CD163L1: variants seen among roughly 807,000 people sequenced by gnomAD.
CD163L1 encodes the protein CD163 molecule like 1.
A neutral mutation model predicts 165.4 loss-of-function variants in CD163L1; 124 were observed. The ratio of observed to expected loss-of-function variants is 0.75; its 90% CI spans 0.65 to 0.87. The LOEUF (loss-of-function observed/expected upper bound fraction) is 0.87, where lower values mean the gene tolerates loss of function less well. CD163L1 is among the 40% of genes least tolerant of loss of function. CD163L1 has a pLI of 0.00. For missense variants in CD163L1, 1,525 were observed against 1,799.9 expected (o/e 0.85, Z 2.76); for synonymous variants, 585 against 662.2 (o/e 0.88, Z 1.79).
chr12:7,343,159 T>C (rs762701604), downstream of CD163L1, among the ~76,000 whole-genome samples: 5 of 152,264 alleles, frequency 3.3e-5, no homozygotes, highest in African/African-American at 1.2e-4. Context: ...GAGAGAAATA[T>C]CTGAACTGGA....
chr12:7,379,104 T>G lies in CD163L1; in HGVS notation c.2245A>C (p.Thr749Pro), dbSNP rs1947331502. ...VSREPHFTER[T>P]LHILMSNSGC... ...GAATTCGACATTAAGATGTGTAATG[T>G]TCTTTCTGTGAAATGAGGCTCTCTG... The change falls in exon 9 of 20, where the codon ACA becomes CCA. Residue 749 changes from threonine (T) to proline (P), a missense_variant. By Grantham distance (38) the Thr-to-Pro change is conservative. Transcript: ENST00000313599. The G allele has an allele frequency of 6.2e-7, 1 of 1,614,096 alleles. No individual in the cohort carries two copies. Among genetic ancestry groups the G allele is most frequent in the Admixed American group, 1.7e-5 (1 of 59,998 alleles).
In CD163L1 at chr12:7,398,426, A is replaced by C. The variant is rs6488268; in HGVS notation, c.1567T>G (p.Leu523Val). ...VCKQLGCGKP[L>V]HVFGMTYFKE... Reference sequence around the variant, plus strand: ...AAATAGGTCATACCAAACACATGCAAAGGCTTTCCACATCCCAATTGTTTA... The same window carrying C: ...AAATAGGTCATACCAAACACATGCACAGGCTTTCCACATCCCAATTGTTTA... The change falls in exon 7 of 20, where the codon TTG becomes GTG. Residue 523 changes from leucine (L) to valine (V), a missense_variant. Physicochemically the swap from Leu to Val is conservative, Grantham distance 32 (BLOSUM62 1). Transcript: ENST00000313599. This position sits in a 1 kb window ranked among gnomAD's most constrained non-coding sequence, Gnocchi z 4.5. The C allele has an allele frequency of 1.2e-6, 2 of 1,614,174 alleles. No homozygotes were observed. Among genetic ancestry groups the C allele is most frequent in the East Asian group, 2.2e-5 (1 of 44,860 alleles).
intron 8 of CD163L1, among the ~76,000 whole-genome samples, chr12:7,382,155 T>C (rs757600838): frequency 6.6e-6 from 1 of 151,792 alleles, no homozygotes; most frequent in Admixed American, 6.6e-5. Context: ...TAGTTTACAA[T>C]ACAGATACAA....
chr12:7,332,015 A>C, the CD163L1 span, among the ~76,000 whole-genome samples: 2 of 152,234 alleles, frequency 1.3e-5, no homozygotes, highest in Non-Finnish European at 2.9e-5. Context: ...AACCAATGGC[A>C]AAGAAGTTAA....
At chr12:7,421,084 T>C (rs912282073) in intron 4 of CD163L1, among the ~76,000 whole-genome samples, 3 of 117,772 alleles carry the variant, frequency 2.5e-5, no homozygotes, top group Admixed American at 9.4e-5. Context: ...CGTATATATA[T>C]ACGTATATAT....
chr12:7,437,228 A>AT (rs377468948), intron 2 of CD163L1, among the ~76,000 whole-genome samples: 61 of 2,106 alleles, frequency 0.029, no homozygotes, highest in Non-Finnish European at 0.031. Flanking sequence ...TAGTATTTAA[A>AT]AGTATTTACT....
rs1947251481 is a variant in CD163L1 at position 7,375,613 on chromosome 12, C to T, written c.2687-18G>A. The T allele has an allele frequency of 1.9e-6, 3 of 1,611,252 alleles. No homozygotes were observed. In the African/African-American group the frequency reaches 4.0e-5, roughly 22 times the overall value. Reference sequence around the variant, plus strand: ...TGTATATCCTAGGAGGAGACAAGGCCATAGAAGAGACATCATGACTTATCA... The same window carrying T: ...TGTATATCCTAGGAGGAGACAAGGCTATAGAAGAGACATCATGACTTATCA... On this transcript the variant is annotated intron_variant, in intron 10 of 19. Transcript: ENST00000313599.
chr12:7,372,682 C>T lies in CD163L1; in HGVS notation c.3730+638G>A, dbSNP rs1420511091. ...ATATAGTATCTATATTTCATATACA[C>T]ATTTCATATACACAATCATAACTTT... On this transcript the variant is annotated intron_variant, in intron 14 of 19. Transcript: ENST00000313599. This position sits in a 1 kb window ranked among gnomAD's most constrained non-coding sequence, Gnocchi z 4.2. 6.6e-6 allele frequency among the ~76,000 whole-genome samples: 1 copy of T among 151,616 alleles called. No homozygotes were observed. Among genetic ancestry groups the T allele is most frequent in the Non-Finnish European group, 1.5e-5 (1 of 67,822 alleles).
chr12:7,374,710 C>T lies in CD163L1; in HGVS notation c.3141G>A (p.Gly1047=), dbSNP rs1448486832. Residue 1047 remains glycine (G), a synonymous_variant, in exon 13 of 20, where the codon GGG becomes GGA. Coordinates refer to ENST00000313599, the MANE Select transcript of CD163L1 (RefSeq NM_174941.6). This position sits in a 1 kb window ranked among gnomAD's most constrained non-coding sequence, Gnocchi z 5.4. ...AGCCGTCGTGATAGATCTCTACTCT[C>T]CCGGCACAGCGGCTGTCCCCATCCA... The part of the protein sequence containing the change: ...RLVDGDSRCA[G]RVEIYHDGFW... 1 of 1,614,174 alleles carries T rather than the reference C, an allele frequency of 6.2e-7. No homozygotes were observed. Among genetic ancestry groups the T allele is most frequent in the Non-Finnish European group, 8.5e-7 (1 of 1,180,004 alleles).
At position 7,427,631 on chromosome 12, in the gene CD163L1, G is replaced by A. The variant is rs577487039; in HGVS notation, c.766+4785C>T. Among the ~76,000 whole-genome samples the A allele has an allele frequency of 1.2e-3, 189 of 152,056 alleles. 1 individual carries two copies. Among genetic ancestry groups the A allele is most frequent in the Non-Finnish European group, 2.0e-3 (135 of 67,946 alleles). ...TCATCAGGTTGTGTATATTAAATAC[G>A]TACAGCTTTTTACATGTCCAACAAA... On this transcript the variant is annotated intron_variant, in intron 4 of 19. Coordinates refer to ENST00000313599, the MANE Select transcript of CD163L1 (RefSeq NM_174941.6).
chr12:7,329,753 A>G, the CD163L1 span, among the ~76,000 whole-genome samples: 11 of 152,170 alleles, frequency 7.2e-5, no homozygotes. Context: ...TAGTTGATAA[A>G]CCTGAAAACA....
At chr12:7,328,425 T>C in the CD163L1 span, 3 of 1,344,118 alleles carry the variant, frequency 2.2e-6, no homozygotes, top group Non-Finnish European at 1.0e-6. Context: ...TTTCTTTTAG[T>C]ATTTGTTCCG....
In CD163L1 at chr12:7,347,726, G is replaced by A. The variant is rs78486477; in HGVS notation, c.*25-579C>T. On this transcript the variant is annotated intron_variant, in intron 4 of 4. Coordinates refer to the CD163L1 transcript ENST00000539726. This position sits in a 1 kb window ranked among gnomAD's most constrained non-coding sequence, Gnocchi z 4.2. The stretch of plus-strand genomic sequence containing the variant: ...GGAGCTTGCAGTGAACCAAGTTCAC[G>A]CGCCACTGCACTCCAGCCTGGGTGA... 0.057 allele frequency among the ~76,000 whole-genome samples: 8,639 copies of A among 151,760 alleles called. 305 individuals are homozygous for A. Among genetic ancestry groups the A allele is most frequent in the African/African-American group, 0.091 (3,782 of 41,348 alleles).
intron 8 of CD163L1, among the ~76,000 whole-genome samples, chr12:7,382,543 A>T (rs1947433430): frequency 6.6e-6 from 1 of 152,110 alleles, no homozygotes; most frequent in Non-Finnish European, 1.5e-5. Context: ...AAAAGAATAA[A>T]TGAGAGATTC....
chr12:7,403,977 G>T, intron 5 of CD163L1, 122 bp from the exon 6 acceptor site: 1 of 572,122 alleles, frequency 1.7e-6, no homozygotes, highest in Non-Finnish European at 2.8e-6. Flanking sequence ...GAAAAGTAAA[G>T]ACTAAAGACT....
chr12:7,325,641 T>C, the CD163L1 span, among the ~76,000 whole-genome samples: 2 of 152,174 alleles, frequency 1.3e-5, no homozygotes, highest in African/African-American at 4.8e-5. Context: ...AGACAGACTC[T>C]GTCTCAAAGA....
chr12:7,333,296 G>T, the CD163L1 span, among the ~76,000 whole-genome samples: 1 of 152,156 alleles, frequency 6.6e-6, no homozygotes, highest in Non-Finnish European at 1.5e-5. Context: ...CTGTCTCTCA[G>T]ACCACAGTGC....
intron 8 of CD163L1, among the ~76,000 whole-genome samples, chr12:7,391,175 T>A (rs1413128879): frequency 6.6e-6 from 1 of 151,994 alleles, no homozygotes; most frequent in Non-Finnish European, 1.5e-5. Context: ...AGTATCAACA[T>A]CAACAAAAAG....
At chr12:7,366,973 C>A (rs1404725202) in intron 18 of CD163L1, among the ~76,000 whole-genome samples, 1 of 152,078 alleles carries the variant, frequency 6.6e-6, no homozygotes, top group Non-Finnish European at 1.5e-5. Context: ...AGAAACAATA[C>A]TTTTTATTTT....
Sources: allele counts gnomAD v4.1 joint callset (sites outside exome capture counted in the v4.1 genomes callset), GRCh38; gene constraint gnomAD v4.1.1; non-coding constraint Gnocchi (gnomAD v3.1); transcripts MANE v1.5; gene names NCBI Gene and HGNC (gene_info 2026-07-23, HGNC 2026-07-21).